Variants in NCOA2 observed in about 807,000 individuals in gnomAD.
The protein encoded by NCOA2 is nuclear receptor coactivator 2.
Under a neutral mutation model 145.1 loss-of-function variants are expected in NCOA2, and 21 were observed. The observed-to-expected ratio is 0.14, with a 90% CI of 0.10 to 0.21. The LOEUF (loss-of-function observed/expected upper bound fraction) is 0.21, where lower values mean the gene tolerates loss of function less well. Among genes scored for constraint, NCOA2 ranks in the 10% least tolerant of loss-of-function variants. The probability of loss-of-function intolerance (pLI) is 1.00; values close to 1 mark genes in which losing one functional copy is unlikely to be tolerated. For synonymous variants in NCOA2, 619 were observed against 637.5 expected (o/e 0.97, Z 0.44); for missense variants, 1,472 against 1,837.6 (o/e 0.80, Z 3.64).
chr8:70,233,672 C>T (rs183780095), intron 2 of NCOA2, among the ~76,000 whole-genome samples: 97 of 152,280 alleles, frequency 6.4e-4, no homozygotes, highest in Non-Finnish European at 9.9e-4. Flanking sequence ...ACACCCCTTC[C>T]GTGGTTCCTC....
At chr8:70,225,384 T>TA (rs1191245868) in intron 2 of NCOA2, among the ~76,000 whole-genome samples, 1 of 151,518 alleles carries the variant, frequency 6.6e-6, no homozygotes, top group Non-Finnish European at 1.5e-5. Context: ...CCGCCTCTAC[T>TA]AAAAAAATAC....
intron 7 of NCOA2, among the ~76,000 whole-genome samples, chr8:70,165,251 G>T (rs887368798): frequency 2.0e-5 from 3 of 152,142 alleles, no homozygotes; most frequent in African/African-American, 7.2e-5. Context: ...ATCTCTAACA[G>T]CTCTAATATT....
At chr8:70,326,929 A>G (rs571376668) in intron 1 of NCOA2, among the ~76,000 whole-genome samples, 1 of 152,342 alleles carries the variant, frequency 6.6e-6, no homozygotes, top group East Asian at 1.9e-4. Context: ...GTTCTAATAC[A>G]TAACTTATCT....
chr8:70,124,931 G>C (rs1037436679), intron 19 of NCOA2, 66 bp from the exon 20 acceptor site: 15 of 1,410,174 alleles, frequency 1.1e-5, no homozygotes, highest in Non-Finnish European at 1.3e-5. Flanking sequence ...AGACTGGTGG[G>C]GGGGAAAGAA....
At chr8:70,272,863 T>G (rs949960871) in intron 2 of NCOA2, among the ~76,000 whole-genome samples, 1 of 135,988 alleles carries the variant, frequency 7.4e-6, no homozygotes, top group South Asian at 2.5e-4. Context: ...TATAAAGTAA[T>G]AATTTAATAT....
chr8:70,182,019 A>C lies in NCOA2; in HGVS notation c.260-7160T>G, dbSNP rs563381648. Among the ~76,000 whole-genome samples the C allele has an allele frequency of 2.6e-5, 4 of 152,398 alleles. No individual in the cohort carries two copies. In the South Asian group the frequency reaches 8.3e-4, roughly 32 times the overall value. On this transcript the variant is annotated intron_variant, in intron 4 of 22. Transcript: ENST00000452400. ...TGCATCTGCACCCAACTAAAATTAG[A>C]AAAGCTGCCATATGGCTTTGTGAAG...
intron 1 of NCOA2, among the ~76,000 whole-genome samples, chr8:70,353,219 T>C (rs1476682553): frequency 6.6e-6 from 1 of 151,702 alleles, no homozygotes; most frequent in Non-Finnish European, 1.5e-5. Context: ...CTTAAGATAT[T>C]TGAAGAAACC....
chr8:70,422,834 A>G, the NCOA2 span, among the ~76,000 whole-genome samples: 1 of 152,018 alleles, frequency 6.6e-6, no homozygotes, highest in South Asian at 2.1e-4. Context: ...TCACTATCAT[A>G]TCTTTCATAT....
intron 13 of NCOA2, among the ~76,000 whole-genome samples, chr8:70,143,789 T>A (rs1027825318): frequency 6.6e-6 from 1 of 152,248 alleles, no homozygotes; most frequent in African/African-American, 2.4e-5. Context: ...CCACTATAAG[T>A]TCTTCTTACA....
chr8:70,119,588 C>T (rs1029242200), intron 22 of NCOA2, among the ~76,000 whole-genome samples: 2 of 152,192 alleles, frequency 1.3e-5, no homozygotes, highest in African/African-American at 4.8e-5. Context: ...CAGTGTGACT[C>T]CTGGATCAAA....
chr8:70,232,323 G>C (rs1488213781), intron 2 of NCOA2, among the ~76,000 whole-genome samples: 1 of 152,150 alleles, frequency 6.6e-6, no homozygotes, highest in Non-Finnish European at 1.5e-5. Flanking sequence ...ATAAGGGGAA[G>C]CTGAGCACTG....
chr8:70,148,817 A>T (rs867403206), intron 11 of NCOA2, among the ~76,000 whole-genome samples: 1 of 152,202 alleles, frequency 6.6e-6, no homozygotes. Context: ...ATAAGAATAT[A>T]TATTTCCAAT....
the NCOA2 span, among the ~76,000 whole-genome samples, chr8:70,415,788 C>T: frequency 1.3e-5 from 2 of 152,314 alleles, no homozygotes; most frequent in Admixed American, 1.3e-4. Flanking sequence ...ATCATCTTCA[C>T]TTCAAGAACT....
At chr8:70,433,016 C>G in the NCOA2 span, among the ~76,000 whole-genome samples, 1 of 152,082 alleles carries the variant, frequency 6.6e-6, no homozygotes, top group African/African-American at 2.4e-5. Context: ...TTAGCAATAA[C>G]TATATTTTTA....
the NCOA2 span, among the ~76,000 whole-genome samples, chr8:70,424,928 C>T: frequency 6.6e-6 from 1 of 152,200 alleles, no homozygotes; most frequent in Non-Finnish European, 1.5e-5. Flanking sequence ...AAGTGCCCCA[C>T]CTCCCAAATG....
At chr8:70,353,946 C>G (rs886864087) in intron 1 of NCOA2, among the ~76,000 whole-genome samples, 6 of 152,098 alleles carry the variant, frequency 3.9e-5, no homozygotes, top group Non-Finnish European at 8.8e-5. Flanking sequence ...AAAATCAGTT[C>G]CATTTTTAAT....
At chr8:70,413,117 A>G in the NCOA2 span, among the ~76,000 whole-genome samples, 1 of 150,380 alleles carries the variant, frequency 6.6e-6, no homozygotes, top group South Asian at 2.1e-4. Context: ...AAAAAAAAAA[A>G]GAATAGAGAC....
chr8:70,425,280 T>A, the NCOA2 span, among the ~76,000 whole-genome samples: 25 of 152,318 alleles, frequency 1.6e-4, no homozygotes, highest in East Asian at 4.8e-3. Context: ...TTTATTTTTT[T>A]TAATCTGCAT....
chr8:70,425,615 A>C, the NCOA2 span, among the ~76,000 whole-genome samples: 2 of 152,232 alleles, frequency 1.3e-5, no homozygotes, highest in Admixed American at 6.5e-5. Context: ...ACCGTGCTTC[A>C]CCCAAATCAA....
Sources: gnomAD v4.1 joint callset for allele counts (sites outside exome capture counted in the v4.1 genomes callset) on GRCh38, gnomAD v4.1.1 for gene constraint, MANE v1.5 for transcripts, NCBI Gene and HGNC (gene_info 2026-07-23, HGNC 2026-07-21) for gene names.